The following PAH variants were observed in gnomAD, a reference collection of about 807,000 sequenced individuals.
PAH encodes the protein phenylalanine-4-hydroxylase.
Under a neutral mutation model 62.0 loss-of-function variants are expected in PAH, and 64 were observed. The observed-to-expected ratio is 1.03, with a 90% confidence interval of 0.84 to 1.27. The LOEUF is 1.27. Ranked by LOEUF, PAH falls within the 50% of genes most tolerant of loss-of-function variation. The pLI is 0.00. For missense variants in PAH, 579 were observed against 542.8 expected, an observed-to-expected ratio of 1.07 and a Z score of -0.66; for synonymous variants, 195 against 196.2, an observed-to-expected ratio of 0.99 and a Z score of 0.05.
chr12:102,872,603 G>A (rs1876392978), intron 4 of PAH, among the ~76,000 whole-genome samples: 1 of 149,540 alleles, frequency 6.7e-6, no homozygotes, highest in African/African-American at 2.6e-5. Flanking sequence ...TCTTGTTATT[G>A]GGCAATTTGC....
intron 3 of PAH, among the ~76,000 whole-genome samples, chr12:102,893,441 A>G (rs969308749): frequency 1.3e-5 from 2 of 152,172 alleles, no homozygotes; most frequent in African/African-American, 4.8e-5. Context: ...TAAAAAGTCT[A>G]TTAAAAAATG....
chr12:102,897,638 A>G (rs999586639), intron 2 of PAH, among the ~76,000 whole-genome samples: 3 of 152,142 alleles, frequency 2.0e-5, no homozygotes, highest in African/African-American at 7.2e-5. Flanking sequence ...CATTATCAGA[A>G]AAAAGGCAAT....
At chr12:102,908,510 A>T (rs1878070536) in intron 2 of PAH, among the ~76,000 whole-genome samples, 1 of 152,066 alleles carries the variant, frequency 6.6e-6, no homozygotes, top group Non-Finnish European at 1.5e-5. Context: ...CTCTACACCC[A>T]TTGCTCGCTT....
At chr12:102,924,078 A>G (rs1462569543) in intron 1 of PAH, among the ~76,000 whole-genome samples, 1 of 152,220 alleles carries the variant, frequency 6.6e-6, no homozygotes, top group African/African-American at 2.4e-5. Flanking sequence ...CTAACTTGGT[A>G]TAAGGTAAAG....
At chr12:102,948,846 A>AAT (rs1385496478) in intron 1 of PAH, among the ~76,000 whole-genome samples, 1 of 152,214 alleles carries the variant, frequency 6.6e-6, no homozygotes, top group Non-Finnish European at 1.5e-5. Flanking sequence ...TCAGAATCTG[A>AAT]ATATTAACAA....
chr12:102,958,200 G>T, exon 1 of PAH: 2 of 1,412,232 alleles, frequency 1.4e-6, no homozygotes, highest in South Asian at 1.5e-5. Flanking sequence ...CGCACCTCGC[G>T]TCCCGGATCG....
chr12:102,910,560 C>T (rs1459491784), intron 2 of PAH, among the ~76,000 whole-genome samples: 4 of 152,048 alleles, frequency 2.6e-5, no homozygotes, highest in Admixed American at 1.3e-4. Flanking sequence ...TTAGTACAGA[C>T]GGGGTTTCAC....
chr12:102,944,227 T>C (rs949667232), intron 1 of PAH, among the ~76,000 whole-genome samples: 7 of 152,192 alleles, frequency 4.6e-5, no homozygotes, highest in Admixed American at 3.3e-4. Flanking sequence ...GATTATTAAA[T>C]GTCTTCAGGT....
chr12:102,938,236 C>A (rs950675293), intron 1 of PAH, among the ~76,000 whole-genome samples: 6 of 152,096 alleles, frequency 3.9e-5, no homozygotes, highest in African/African-American at 1.4e-4. Context: ...GAGCAAGAGG[C>A]CCCAGTGACC....
chr12:102,840,629 G>C (rs756529736), intron 11 of PAH, 114 bp from the exon 12 acceptor site: 333 of 764,782 alleles, frequency 4.4e-4, no homozygotes, highest in Non-Finnish European at 6.9e-4. Context: ...CCTCCCTAGA[G>C]CAGGGTCTTC....
chr12:102,900,053 T>C (rs1387966737), intron 2 of PAH, among the ~76,000 whole-genome samples: 1 of 139,704 alleles, frequency 7.2e-6, no homozygotes. Context: ...TTATTGCTTT[T>C]TTTTTTTTTT....
At chr12:102,924,272 T>C (rs1329099551) in intron 1 of PAH, among the ~76,000 whole-genome samples, 2 of 152,196 alleles carry the variant, frequency 1.3e-5, no homozygotes, top group African/African-American at 4.8e-5. Context: ...TTAGCATGCA[T>C]GTCCTGTATA....
chr12:102,889,687 C>G (rs1256909752), intron 3 of PAH, among the ~76,000 whole-genome samples: 1 of 152,180 alleles, frequency 6.6e-6, no homozygotes, highest in African/African-American at 2.4e-5. Context: ...CAAAACCCAA[C>G]AGATATTTAT....
At chr12:102,951,148 G>A (rs182266254), upstream of PAH, among the ~76,000 whole-genome samples, 1 of 152,286 alleles carries the variant, frequency 6.6e-6, no homozygotes, top group African/African-American at 2.4e-5. Context: ...TCATTAGCAT[G>A]AGCTGTGGCT....
At chr12:102,930,429 T>A (rs887043397) in intron 1 of PAH, among the ~76,000 whole-genome samples, 1 of 152,160 alleles carries the variant, frequency 6.6e-6, no homozygotes. Flanking sequence ...ATGACTGCCA[T>A]CTCTTCCCAC....
intron 3 of PAH, among the ~76,000 whole-genome samples, chr12:102,879,190 C>G (rs997302672): frequency 3.3e-5 from 5 of 152,058 alleles, no homozygotes; most frequent in Admixed American, 6.6e-5. Flanking sequence ...GTTTTTGAAG[C>G]CTTCCTACGT....
chr12:102,926,139 C>CA (rs1878675876), intron 1 of PAH, among the ~76,000 whole-genome samples: 2 of 151,776 alleles, frequency 1.3e-5, no homozygotes, highest in African/African-American at 4.8e-5. Flanking sequence ...AATAAATAGA[C>CA]AAAAAAGGCA....
intron 1 of PAH, among the ~76,000 whole-genome samples, chr12:102,949,935 T>G (rs1879674529): frequency 6.6e-6 from 1 of 152,228 alleles, no homozygotes; most frequent in South Asian, 2.1e-4. Flanking sequence ...TATTCCCCTC[T>G]GATTAGGTTT....
At chr12:102,913,495 C>T (rs186418980) in intron 1 of PAH, among the ~76,000 whole-genome samples, 3 of 151,974 alleles carry the variant, frequency 2.0e-5, no homozygotes, top group East Asian at 1.9e-4. Context: ...TTTTCTCATC[C>T]GTGAAAGCAT....
Sources: allele counts gnomAD v4.1 joint callset (sites outside exome capture counted in the v4.1 genomes callset), GRCh38; gene constraint gnomAD v4.1.1; transcripts MANE v1.5; gene names NCBI Gene and HGNC (gene_info 2026-07-23, HGNC 2026-07-21).